CTNND2: variants seen among roughly 807,000 people sequenced by gnomAD.
The protein encoded by CTNND2 is catenin delta-2.
In CTNND2, 22 loss-of-function variants were observed where a neutral mutation model predicts 144.4. The ratio of observed to expected loss-of-function variants is 0.15; its 90% confidence interval spans 0.11 to 0.22. The LOEUF is 0.22. Among genes scored for constraint, CTNND2 ranks in the 10% least tolerant of loss-of-function variants. The pLI, the probability that CTNND2 is intolerant of heterozygous loss-of-function variation, is 1.00. For missense variants in CTNND2, 1,353 were observed against 1,618.8 expected (o/e 0.84, Z 2.82); for synonymous variants, 751 against 695.6 (o/e 1.08, Z -1.25).
intron 2 of CTNND2, among the ~76,000 whole-genome samples, chr5:11,686,023 T>C (rs1180016707): frequency 6.6e-6 from 1 of 152,004 alleles, no homozygotes; most frequent in Non-Finnish European, 1.5e-5. Context: ...CTGGGCAACA[T>C]GGCGAAACCC....
intron 10 of CTNND2, among the ~76,000 whole-genome samples, chr5:11,218,343 T>C (rs765442470): frequency 5.3e-5 from 8 of 152,170 alleles, no homozygotes; most frequent in Non-Finnish European, 1.0e-4. Context: ...GTCATGCTGG[T>C]GCCAACTCTG....
chr5:11,219,793 G>T (rs1309606564), intron 10 of CTNND2, among the ~76,000 whole-genome samples: 2 of 152,218 alleles, frequency 1.3e-5, no homozygotes, highest in African/African-American at 4.8e-5. Flanking sequence ...AGGACACCAT[G>T]ACTTTGGCCC....
rs369657251 is a variant in CTNND2 at position 11,022,794 on chromosome 5, C to T, written c.2974G>A (p.Gly992Ser). Residue 992 changes from glycine (G) to serine (S), a missense_variant, in exon 17 of 22, where the codon GGC (glycine) becomes AGC (serine). Physicochemically the swap from Gly to Ser is moderately conservative, Grantham distance 56. Transcript: ENST00000304623. ...RDAGGIEKLV[G>S]ISKSKGDKHS... is the part of the protein sequence containing the mutation. ...TTATCTCCTTTGCTTTTGGAGATGCCGACCAACTTCTCGATGCCACCGGCA... is the reference window on the plus strand; with the variant it reads ...TTATCTCCTTTGCTTTTGGAGATGCTGACCAACTTCTCGATGCCACCGGCA... 60 of 1,614,050 alleles carry T rather than the reference C, an allele frequency of 3.7e-5. No homozygotes were observed. The highest frequency in any genetic ancestry group is 2.0e-4 in the African/African-American group (15 of 75,024).
rs2727576 is a variant in CTNND2 at position 11,636,603 on chromosome 5, T to C, written c.175-71547A>G. Reference sequence around the variant, plus strand: ...GATGATTTTCCAACCTCTGGTACAATTGGCAAGTTAACTCTGACTGAAAAA... The same window carrying C: ...GATGATTTTCCAACCTCTGGTACAACTGGCAAGTTAACTCTGACTGAAAAA... On this transcript the variant is annotated intron_variant, in intron 2 of 21. Transcript: ENST00000304623. Among the ~76,000 whole-genome samples the C allele has an allele frequency of 2.9e-3, 442 of 152,312 alleles. 1 individual carries two copies. The highest frequency in any genetic ancestry group is 0.01 in the African/African-American group (416 of 41,568).
intron 2 of CTNND2, among the ~76,000 whole-genome samples, chr5:11,597,603 A>G (rs12514273): frequency 0.46 from 69,779 of 151,674 alleles, 16,373 homozygotes; most frequent in Middle Eastern, 0.69. Context: ...TTTGAAACAG[A>G]GTGTCAGTCA....
intron 9 of CTNND2, among the ~76,000 whole-genome samples, chr5:11,336,701 A>G (rs927475722): frequency 5.3e-5 from 8 of 152,228 alleles, no homozygotes; most frequent in Non-Finnish European, 8.8e-5. Context: ...CTACATAGAT[A>G]CATATACACA....
intron 9 of CTNND2, among the ~76,000 whole-genome samples, chr5:11,257,162 T>C (rs154722): frequency 0.17 from 26,211 of 152,074 alleles, 2,636 homozygotes; most frequent in African/African-American, 0.27. Context: ...GGTGTAGCAG[T>C]AGGTTTTCTC....
chr5:11,139,809 A>G (rs1388902414), intron 12 of CTNND2, among the ~76,000 whole-genome samples: 1 of 152,218 alleles, frequency 6.6e-6, no homozygotes, highest in Non-Finnish European at 1.5e-5. Context: ...GAAGTCAGCA[A>G]TGGGCCCACA....
At chr5:11,850,059 C>T (rs1794943309) in intron 1 of CTNND2, among the ~76,000 whole-genome samples, 3 of 151,896 alleles carry the variant, frequency 2.0e-5, no homozygotes, top group Admixed American at 2.0e-4. Flanking sequence ...CACATGTATC[C>T]CAAAACTTAA....
chr5:11,673,216 T>C (rs970922612), intron 2 of CTNND2, among the ~76,000 whole-genome samples: 1 of 152,166 alleles, frequency 6.6e-6, no homozygotes, highest in Admixed American at 6.6e-5. Context: ...CACAGTCTTT[T>C]TATATGAGAT....
intron 12 of CTNND2, among the ~76,000 whole-genome samples, chr5:11,133,944 C>A (rs1755865945): frequency 6.6e-6 from 1 of 152,162 alleles, no homozygotes; most frequent in Non-Finnish European, 1.5e-5. Flanking sequence ...AGATTCCTAC[C>A]CTTTGGTCGC....
At chr5:11,365,562 G>A (rs778765885) in intron 7 of CTNND2, among the ~76,000 whole-genome samples, 2 of 152,114 alleles carry the variant, frequency 1.3e-5, no homozygotes, top group African/African-American at 2.4e-5. Context: ...TATAAATTGC[G>A]GCTACACACC....
At position 11,899,455 on chromosome 5, in the gene CTNND2, C is replaced by T. The variant is rs188564980; in HGVS notation, c.37+4362G>A. On this transcript the variant is annotated intron_variant, in intron 1 of 21. Coordinates refer to ENST00000304623, the MANE Select transcript of CTNND2 (RefSeq NM_001332.4). ...TCTCCTTTAGCTTAACTGCTATATA[C>T]TTTAATATATAAAGGGCTGGTATGT... Among the ~76,000 whole-genome samples the T allele has an allele frequency of 3.4e-4, 52 of 152,174 alleles. No individual in the cohort carries two copies. In the East Asian group the frequency reaches 9.7e-3, roughly 28 times the overall value.
At chr5:11,745,342 T>C (rs1421623163) in intron 1 of CTNND2, among the ~76,000 whole-genome samples, 3 of 152,112 alleles carry the variant, frequency 2.0e-5, no homozygotes, top group Admixed American at 2.0e-4. Context: ...ACAAACGAAG[T>C]GAGCCACTCT....
intron 1 of CTNND2, among the ~76,000 whole-genome samples, chr5:11,749,574 A>T (rs1788496202): frequency 6.6e-6 from 1 of 152,038 alleles, no homozygotes; most frequent in Non-Finnish European, 1.5e-5. Context: ...AATCAAGGAA[A>T]ATAATGTATG....
chr5:11,299,258 T>C (rs186543374), intron 9 of CTNND2, among the ~76,000 whole-genome samples: 2 of 152,312 alleles, frequency 1.3e-5, no homozygotes, highest in East Asian at 3.9e-4. Context: ...GTCCCACTTG[T>C]GGAGGTTTAG....
intron 9 of CTNND2, among the ~76,000 whole-genome samples, chr5:11,272,909 G>A (rs1746165646): frequency 6.6e-6 from 1 of 152,090 alleles, no homozygotes; most frequent in South Asian, 2.1e-4. Context: ...TCCTTTTATT[G>A]TACAACCTGT....
chr5:11,879,944 G>T (rs1172427525), intron 1 of CTNND2, among the ~76,000 whole-genome samples: 1 of 152,082 alleles, frequency 6.6e-6, no homozygotes, highest in Non-Finnish European at 1.5e-5. Context: ...AATTTTCCAG[G>T]TTATTTCCCT....
chr5:11,127,461 C>G (rs1370553655), intron 12 of CTNND2, among the ~76,000 whole-genome samples: 1 of 152,242 alleles, frequency 6.6e-6, no homozygotes, highest in Non-Finnish European at 1.5e-5. Context: ...CTTCCCCCAC[C>G]AGCCTGATGC....
Sources: allele counts gnomAD v4.1 joint callset (sites outside exome capture counted in the v4.1 genomes callset), GRCh38; gene constraint gnomAD v4.1.1; transcripts MANE v1.5; gene names NCBI Gene and HGNC (gene_info 2026-07-23, HGNC 2026-07-21).